The following RBM26 variants were observed in gnomAD, a reference collection of about 807,000 sequenced individuals.
RBM26 encodes RNA binding motif protein 26, also known as RNA-binding protein 26.
A neutral mutation model predicts 123.6 loss-of-function variants in RBM26; 30 were observed. The observed-to-expected ratio is 0.24, with a 90% CI of 0.18 to 0.33. The LOEUF (loss-of-function observed/expected upper bound fraction) is 0.33. Among genes scored for constraint, RBM26 ranks in the 10% least tolerant of loss-of-function variants. RBM26 has a pLI of 1.00. For synonymous variants in RBM26, 400 were observed against 404.4 expected (o/e 0.99, Z 0.13); for missense variants, 947 against 1,203.6 (o/e 0.79, Z 3.15).
At position 79,325,521 on chromosome 13, in the gene RBM26, AT is replaced by A. The variant is rs565805615; in HGVS notation, c.2821-3060del. ...AGTTTAAAAAGTAAAACATAAAAAA[AT>A]GTTAAAAATAGACAAAAGCTTATTG... is the stretch of plus-strand genomic sequence containing the variant. On this transcript the variant is annotated intron_variant, in intron 20 of 21. Coordinates refer to ENST00000438737, the MANE Select transcript of RBM26 (RefSeq NM_001366735.2). Among the ~76,000 whole-genome samples, 8 of 152,310 alleles carry A rather than the reference AT, an allele frequency of 5.3e-5. No homozygotes were observed. In the East Asian group the frequency reaches 1.3e-3, roughly 26 times the overall value.
chr13:79,373,013 TATATCTTATATATTAC>T (rs2076138700), intron 3 of RBM26, among the ~76,000 whole-genome samples: 1 of 28 alleles, frequency 0.036, no homozygotes, highest in Admixed American at 0.25. Context: ...ATATATAAGA[TATATCTTATATATTAC>T]ATATTTTATA....
downstream of RBM26, chr13:79,315,073 C>T: frequency 1.3e-6 from 1 of 769,718 alleles, no homozygotes; most frequent in Non-Finnish European, 1.9e-6. Context: ...ATAAATTGAC[C>T]TCCAACTTTT....
intron 11 of RBM26, among the ~76,000 whole-genome samples, chr13:79,356,716 A>G (rs1009586262): frequency 3.9e-5 from 6 of 152,194 alleles, no homozygotes; most frequent in Admixed American, 3.3e-4. Flanking sequence ...AGAGTTTTGA[A>G]AATTGATTTT....
chr13:79,359,658 C>T lies in RBM26; in HGVS notation c.1446G>A (p.Arg482=), dbSNP rs1235507636. ...REKPPNKSSM[R]IVVDSESRKR... The stretch of plus-strand genomic sequence containing the variant: ...TCCTTGATTCTGAGTCCACTACTAT[C>T]CTCATACTGCTTTTATTGGGAGGCT... The change falls in exon 10 of 22, where the codon AGG becomes AGA. Residue 482 remains arginine (R), a synonymous_variant. Coordinates refer to ENST00000438737, the MANE Select transcript of RBM26 (RefSeq NM_001366735.2). 1.9e-6 allele frequency: 3 copies of T among 1,579,126 alleles called. No individual in the cohort carries two copies. Among genetic ancestry groups the T allele is most frequent in the Admixed American group, 3.8e-5 (2 of 52,042 alleles).
intron 6 of RBM26, among the ~76,000 whole-genome samples, chr13:79,367,778 T>C (rs2075461269): frequency 6.6e-6 from 1 of 151,918 alleles, no homozygotes; most frequent in Non-Finnish European, 1.5e-5. Context: ...TTTATAAATT[T>C]CCCAGGCTCA....
chr13:79,392,089 ATAATAATG>A lies in RBM26; in HGVS notation c.72-13190_72-13183del, dbSNP rs2078083643. 5.8e-5 allele frequency among the ~76,000 whole-genome samples: 7 copies of A among 121,232 alleles called. 1 individual carries two copies. The highest frequency in any genetic ancestry group is 2.0e-4 in the East Asian group (1 of 4,882). The allele number at this position is 121,232 out of a possible 152,430, so 79.5% of individuals were successfully genotyped here. On this transcript the variant is annotated intron_variant, in intron 1 of 21. Transcript: ENST00000438737. ...GTATTATACAATAATACATAATTAT[ATAATAATG>A]TATTATACAATACATAATTATATAA...
At chr13:79,404,123 T>C (rs535687933) in intron 1 of RBM26, among the ~76,000 whole-genome samples, 2 of 152,342 alleles carry the variant, frequency 1.3e-5, no homozygotes, top group East Asian at 3.9e-4. Flanking sequence ...TGATCTGCTA[T>C]CACACTTAGC....
intron 16 of RBM26, 101 bp downstream of exon 16, chr13:79,344,147 A>G: frequency 5.0e-6 from 4 of 793,336 alleles, no homozygotes; most frequent in Non-Finnish European, 9.0e-6. Context: ...TTTTACCATT[A>G]CCAATTATAG....
chr13:79,402,544 A>C (rs935690161), intron 1 of RBM26, among the ~76,000 whole-genome samples: 3 of 151,904 alleles, frequency 2.0e-5, no homozygotes, highest in Admixed American at 6.6e-5. Flanking sequence ...ATGACTCAAC[A>C]AAGTCCTGTG....
At chr13:79,315,808 A>G (rs138698343), downstream of RBM26, among the ~76,000 whole-genome samples, 2 of 151,934 alleles carry the variant, frequency 1.3e-5, no homozygotes, top group East Asian at 3.9e-4. Flanking sequence ...CATGTTCACC[A>G]AAGTTTCTTT....
At position 79,355,487 on chromosome 13, in the gene RBM26, T is replaced by C. The variant is rs2073863442; in HGVS notation, c.1690-103A>G. ...AAATACTGGTCCTTCCAAGTAAGATTCTGTATTTATACTTCTTGGTATCTG... is the reference window on the plus strand; with the variant it reads ...AAATACTGGTCCTTCCAAGTAAGATCCTGTATTTATACTTCTTGGTATCTG... On this transcript the variant is annotated intron_variant, in intron 11 of 21. Coordinates refer to ENST00000438737, the MANE Select transcript of RBM26 (RefSeq NM_001366735.2). The C allele has an allele frequency of 2.7e-5, 22 of 817,518 alleles. No homozygotes were observed. In the Admixed American group the frequency reaches 5.8e-4, roughly 22 times the overall value. 50.6% of individuals were successfully genotyped at this position (817,518 alleles called of 1,614,324 possible).
intron 6 of RBM26, among the ~76,000 whole-genome samples, chr13:79,368,327 A>G (rs1375101068): frequency 2.6e-5 from 4 of 152,146 alleles, no homozygotes; most frequent in Admixed American, 6.6e-5. Context: ...CGCCCAGCCA[A>G]AAGTCTTTAA....
intron 14 of RBM26, among the ~76,000 whole-genome samples, chr13:79,346,616 T>C (rs2072380805): frequency 6.6e-6 from 1 of 152,178 alleles, no homozygotes; most frequent in Non-Finnish European, 1.5e-5. Flanking sequence ...GCTCAAGCAA[T>C]CTTCCTGCCT....
At chr13:79,378,767 A>G in intron 2 of RBM26, 22 bp downstream of exon 2, 1 of 1,433,112 alleles carries the variant, frequency 7.0e-7, no homozygotes, top group Non-Finnish European at 9.8e-7. Context: ...ATATAGTAGT[A>G]TTTTTAAACC....
chr13:79,369,348 C>A lies in RBM26; in HGVS notation c.635-358G>T, dbSNP rs543292526. Among the ~76,000 whole-genome samples, 7 of 150,220 alleles carry A rather than the reference C, an allele frequency of 4.7e-5. 2 individuals are homozygous for A. Among genetic ancestry groups the A allele is most frequent in the African/African-American group, 1.7e-4 (7 of 40,820 alleles). On this transcript the variant is annotated intron_variant, in intron 5 of 21. Coordinates refer to ENST00000438737, the MANE Select transcript of RBM26 (RefSeq NM_001366735.2). The stretch of plus-strand genomic sequence containing the variant: ...GTATGGTTATTTTTCCTGTGATGAA[C>A]ATTTTGTAGTCATCCATTTAAAGTT...
chr13:79,340,098 A>G (rs1311163698), intron 18 of RBM26, among the ~76,000 whole-genome samples: 1 of 152,108 alleles, frequency 6.6e-6, no homozygotes, highest in Non-Finnish European at 1.5e-5. Context: ...CAACACTGGC[A>G]TAAAATCGCT....
At chr13:79,364,730 TG>T (rs1030589541) in intron 9 of RBM26, among the ~76,000 whole-genome samples, 9 of 148,188 alleles carry the variant, frequency 6.1e-5, no homozygotes, top group African/African-American at 2.4e-4. Flanking sequence ...TGCCCTAGCT[TG>T]TGACTATGTC....
At position 79,405,853 on chromosome 13, in the gene RBM26, C is replaced by T. The variant is rs1284637661; in HGVS notation, c.-79G>A. The T allele has an allele frequency of 2.3e-6, 2 of 858,374 alleles. No homozygotes were observed. Among genetic ancestry groups the T allele is most frequent in the Admixed American group, 4.2e-5 (1 of 23,692 alleles). The allele number at this position is 858,374 out of a possible 1,614,324, so 53.2% of individuals were successfully genotyped here. A position where few individuals can be genotyped will look rare whatever the true frequency, so the allele number is the denominator to read the frequency against. On this transcript the variant is annotated 5_prime_UTR_variant, in exon 1 of 22. Transcript: ENST00000438737. Reference sequence around the variant, plus strand: ...CTACAGCCGCCGCTGCCCCCGCCCCCTCCTCCGCGCGCCGCCCGCGTGGGC... The same window carrying T: ...CTACAGCCGCCGCTGCCCCCGCCCCTTCCTCCGCGCGCCGCCCGCGTGGGC...
chr13:79,355,723 C>A (rs546644286), intron 11 of RBM26, among the ~76,000 whole-genome samples: 1 of 152,196 alleles, frequency 6.6e-6, no homozygotes, highest in South Asian at 2.1e-4. Flanking sequence ...TGGCAAAGAT[C>A]CACAGAATCT....
Sources: gnomAD v4.1 joint callset for allele counts (sites outside exome capture counted in the v4.1 genomes callset) on GRCh38, gnomAD v4.1.1 for gene constraint, MANE v1.5 for transcripts, NCBI Gene and HGNC (gene_info 2026-07-23, HGNC 2026-07-21) for gene names.